C1QTNF7: variants seen among roughly 807,000 people sequenced by gnomAD.
C1QTNF7 encodes the protein complement C1q tumor necrosis factor-related protein 7.
In C1QTNF7, 15 loss-of-function variants were observed where a neutral mutation model predicts 19.6. That is an observed-to-expected ratio of 0.76 (90% CI 0.51 to 1.18). C1QTNF7 has a LOEUF of 1.18. C1QTNF7 is among the 50% of genes most tolerant of loss of function. The probability of loss-of-function intolerance (pLI) is 0.00; values close to 1 mark genes in which losing one functional copy is unlikely to be tolerated. For synonymous variants in C1QTNF7, 142 were observed against 137.5 expected (o/e 1.03, Z -0.23); for missense variants, 324 against 359.7 (o/e 0.90, Z 0.80).
chr4:15,442,297 C>G lies in C1QTNF7; in HGVS notation c.368C>G (p.Pro123Arg). The G allele has an allele frequency of 6.2e-7, 1 of 1,614,020 alleles. No homozygotes were observed. Among genetic ancestry groups the G allele is most frequent in the Non-Finnish European group, 8.5e-7 (1 of 1,180,016 alleles). The change falls in exon 3 of 3, where the codon CCA becomes CGA. Residue 123 changes from proline to arginine, a missense_variant. Physicochemically the swap from Pro to Arg is moderately radical, Grantham distance 103 (BLOSUM62 -2). Coordinates refer to ENST00000444304, the MANE Select transcript of C1QTNF7 (RefSeq NM_031911.5). ...GTAGGTCCAATTGGTCCTCCTGGACCAAAGGGAGACAGAGGAGAACAAGGG... is the reference window on the plus strand; with the variant it reads ...GTAGGTCCAATTGGTCCTCCTGGACGAAAGGGAGACAGAGGAGAACAAGGG... Reference protein sequence around the residue: ...GEVGPIGPPGPKGDRGEQGDP... With the variant: ...GEVGPIGPPGRKGDRGEQGDP...
chr4:15,432,036 A>G (rs1414715364), intron 1 of C1QTNF7, among the ~76,000 whole-genome samples: 1 of 152,142 alleles, frequency 6.6e-6, no homozygotes, highest in Non-Finnish European at 1.5e-5. Flanking sequence ...AAGTAGCTAT[A>G]TAGACATCTT....
At chr4:15,341,799 C>T (rs979465021) in intron 1 of C1QTNF7, among the ~76,000 whole-genome samples, 1 of 152,218 alleles carries the variant, frequency 6.6e-6, no homozygotes, top group African/African-American at 2.4e-5. Context: ...TCATCGCAGG[C>T]AGCTCTAGAG....
chr4:15,347,819 C>G (rs1043343329), intron 1 of C1QTNF7, among the ~76,000 whole-genome samples: 4 of 152,136 alleles, frequency 2.6e-5, no homozygotes, highest in African/African-American at 9.7e-5. Flanking sequence ...ATCAGCTTTG[C>G]TAGTAAGCCC....
chr4:15,342,177 C>T (rs1323255153), intron 1 of C1QTNF7, among the ~76,000 whole-genome samples: 1 of 152,172 alleles, frequency 6.6e-6, no homozygotes, highest in Non-Finnish European at 1.5e-5. Flanking sequence ...GTGACCTAAT[C>T]GCACCTCCTC....
chr4:15,417,141 C>T (rs1202343778), intron 1 of C1QTNF7, among the ~76,000 whole-genome samples: 2 of 152,136 alleles, frequency 1.3e-5, no homozygotes, highest in African/African-American at 4.8e-5. Context: ...CCCATGTATA[C>T]TTTTAAAATT....
intron 1 of C1QTNF7, among the ~76,000 whole-genome samples, chr4:15,363,945 C>CA (rs1234494774): frequency 2.0e-5 from 3 of 152,172 alleles, no homozygotes; most frequent in African/African-American, 7.2e-5. Flanking sequence ...AGCAGACACT[C>CA]AAAAAATGGC....
intron 1 of C1QTNF7, among the ~76,000 whole-genome samples, chr4:15,416,726 C>G (rs890277758): frequency 1.3e-5 from 2 of 152,312 alleles, no homozygotes; most frequent in Admixed American, 6.5e-5. Flanking sequence ...TTGTAAGAAG[C>G]CAATTTCTGC....
At chr4:15,367,656 C>A (rs16891785) in intron 1 of C1QTNF7, among the ~76,000 whole-genome samples, 21,302 of 152,062 alleles carry the variant, frequency 0.14, 1,718 homozygotes, top group East Asian at 0.39. Context: ...AGCTTCACCA[C>A]ATGGCCCTTA....
At chr4:15,387,050 G>A (rs888936100) in intron 1 of C1QTNF7, among the ~76,000 whole-genome samples, 8 of 152,162 alleles carry the variant, frequency 5.3e-5, no homozygotes, top group African/African-American at 1.9e-4. Context: ...AAGGAAGGAA[G>A]GTGGCAGCAG....
chr4:15,374,860 T>A, intron 1 of C1QTNF7: 1 of 598,620 alleles, frequency 1.7e-6, no homozygotes, highest in Non-Finnish European at 2.0e-6. Context: ...TGTTTCTCTC[T>A]CTCTCTCTCT....
At chr4:15,355,074 C>T (rs931929726) in intron 1 of C1QTNF7, among the ~76,000 whole-genome samples, 1 of 152,132 alleles carries the variant, frequency 6.6e-6, no homozygotes, top group African/African-American at 2.4e-5. Flanking sequence ...CCTGAGTGCA[C>T]TCATTAGCCA....
At chr4:15,353,197 TC>T (rs1477127018) in intron 1 of C1QTNF7, among the ~76,000 whole-genome samples, 1 of 152,104 alleles carries the variant, frequency 6.6e-6, no homozygotes, top group Non-Finnish European at 1.5e-5. Context: ...GCTGGTGCAA[TC>T]CCCACTTTAA....
intron 1 of C1QTNF7, 79 bp from the exon 2 acceptor site, chr4:15,435,657 T>C (rs1712499411): frequency 1.9e-6 from 3 of 1,568,284 alleles, no homozygotes; most frequent in Admixed American, 1.8e-5. Context: ...CATTCTCTTG[T>C]TCAAACTGAT....
At position 15,387,924 on chromosome 4, in the gene C1QTNF7, T is replaced by C. The variant is rs116502219; in HGVS notation, c.13+47717T>C. The stretch of plus-strand genomic sequence containing the variant: ...ATGTATGCAGGACAGAGAGGAGAAC[T>C]GCTCTAGTGATGTCATGAAGTAAGG... On this transcript the variant is annotated intron_variant, in intron 1 of 2. Transcript: ENST00000295297. Among the ~76,000 whole-genome samples the C allele has an allele frequency of 9.7e-3, 1,480 of 152,258 alleles. 34 individuals carry two copies. The highest frequency in any genetic ancestry group is 0.034 in the African/African-American group (1,409 of 41,534).
At chr4:15,350,160 A>G (rs539538140) in intron 1 of C1QTNF7, among the ~76,000 whole-genome samples, 1 of 102,632 alleles carries the variant, frequency 9.7e-6, no homozygotes, top group African/African-American at 3.7e-5. Context: ...GAAAGAAGGG[A>G]GGGAGGGAGC....
upstream of C1QTNF7, among the ~76,000 whole-genome samples, chr4:15,423,709 T>C (rs1711898952): frequency 6.6e-6 from 1 of 152,184 alleles, no homozygotes. Context: ...CTTTGCTCTT[T>C]CCCACTGGCC....
intron 1 of C1QTNF7, among the ~76,000 whole-genome samples, chr4:15,373,146 A>G (rs1203915467): frequency 1.3e-5 from 2 of 152,214 alleles, no homozygotes; most frequent in African/African-American, 2.4e-5. Context: ...GATATCCAAG[A>G]TCAAGGTGCC....
At chr4:15,422,265 C>T (rs1010595922) in intron 1 of C1QTNF7, among the ~76,000 whole-genome samples, 16 of 149,272 alleles carry the variant, frequency 1.1e-4, no homozygotes, top group Non-Finnish European at 1.5e-4. Flanking sequence ...CTTCTTAATC[C>T]AGATTCCTTG....
intron 1 of C1QTNF7, among the ~76,000 whole-genome samples, chr4:15,386,247 G>A (rs1718331675): frequency 2.0e-5 from 3 of 152,214 alleles, no homozygotes; most frequent in South Asian, 4.1e-4. Context: ...CATGCATGGA[G>A]CTTTTGAGGG....
Sources: gnomAD v4.1 joint callset for allele counts (sites outside exome capture counted in the v4.1 genomes callset) on GRCh38, gnomAD v4.1.1 for gene constraint, MANE v1.5 for transcripts, NCBI Gene and HGNC (gene_info 2026-07-23, HGNC 2026-07-21) for gene names.